Variants in KIF1B observed in about 807,000 individuals in gnomAD.
KIF1B encodes kinesin-like protein KIF1B.
In KIF1B, 76 loss-of-function variants were observed where a neutral mutation model predicts 241.9. That is an observed-to-expected ratio of 0.31 (90% CI 0.26 to 0.38). The LOEUF (loss-of-function observed/expected upper bound fraction) is 0.38. Ranked by LOEUF, KIF1B falls within the 10% of genes least tolerant of loss-of-function variation. KIF1B has a pLI of 1.00. For synonymous variants in KIF1B, 750 were observed against 796.7 expected, an observed-to-expected ratio of 0.94 and a Z score of 0.99; for missense variants, 1,622 against 2,271.4, an observed-to-expected ratio of 0.71 and a Z score of 5.81.
intron 38 of KIF1B, among the ~76,000 whole-genome samples, chr1:10,357,900 T>C (rs763391189): frequency 1.2e-4 from 18 of 150,964 alleles, no homozygotes; most frequent in Non-Finnish European, 2.4e-4. Context: ...TCCCAGCTAC[T>C]TGGGAGGCTG....
At position 10,342,073 on chromosome 1, in the gene KIF1B, A is replaced by T; in HGVS notation, c.3537A>T (p.Ser1179=). 1 of 1,611,258 alleles carries T rather than the reference A, an allele frequency of 6.2e-7. No individual in the cohort carries two copies. Among genetic ancestry groups the T allele is most frequent in the East Asian group, 2.2e-5 (1 of 44,858 alleles). Reference sequence around the variant, plus strand: ...AGATTGCAGTGGAGATCACTGAATCATTTGTGGATTACATCAAAACCAAGC... The same window carrying T: ...AGATTGCAGTGGAGATCACTGAATCTTTTGTGGATTACATCAAAACCAAGC... The part of the protein sequence containing the change: ...VQNIAVEITE[S]FVDYIKTKPI... Residue 1179 remains serine, a synonymous_variant, in exon 33 of 49, where the codon TCA becomes TCT. Transcript: ENST00000676179.
At chr1:10,315,116 T>C (rs1651243153) in intron 22 of KIF1B, among the ~76,000 whole-genome samples, 4 of 150,768 alleles carry the variant, frequency 2.7e-5, no homozygotes, top group South Asian at 2.1e-4. Flanking sequence ...ATTATAGATA[T>C]CATGGCAGTT....
chr1:10,304,977 ATAAAT>A, intron 22 of KIF1B: 3 of 1,145,050 alleles, frequency 2.6e-6, no homozygotes, highest in Non-Finnish European at 3.2e-6. Context: ...TATAATGCCT[ATAAAT>A]TAATCTGACA....
At chr1:10,348,778 GA>G (rs777754943) in intron 37 of KIF1B, 45 bp downstream of exon 37, 3 of 1,456,722 alleles carry the variant, frequency 2.1e-6, no homozygotes, top group Non-Finnish European at 2.9e-6. Flanking sequence ...GACTTACAGA[GA>G]TTTTTTTTTT....
chr1:10,280,460 T>C (rs1327584689), intron 14 of KIF1B, among the ~76,000 whole-genome samples: 1 of 152,102 alleles, frequency 6.6e-6, no homozygotes, highest in African/African-American at 2.4e-5. Flanking sequence ...GGTCTCAATC[T>C]CTTGACCTCG....
chr1:10,319,896 G>C, intron 22 of KIF1B, 147 bp from the exon 23 acceptor site: 2 of 637,212 alleles, frequency 3.1e-6, no homozygotes, highest in Non-Finnish European at 5.7e-6. Flanking sequence ...ACATTTCCCT[G>C]TATGTCTTTT....
Position 10,347,746 on chromosome 1 carries a change from G to T in KIF1B, c.3798-15G>T, listed in dbSNP as rs766283700. The T allele has an allele frequency of 6.2e-7, 1 of 1,611,068 alleles. No homozygotes were observed. The highest frequency in any genetic ancestry group is 8.5e-7 in the Non-Finnish European group (1 of 1,177,674). ...AGTAGCACTTAGTTTTTTCTTTTGC[G>T]TTTCTATTTTTTAGGTATATCCCAG... On this transcript the variant is annotated splice_polypyrimidine_tract_variant and intron_variant, in intron 35 of 48. Coordinates refer to ENST00000676179, the MANE Select transcript of KIF1B (RefSeq NM_001365951.3).
At chr1:10,356,438 G>T (rs577394589) in intron 38 of KIF1B, among the ~76,000 whole-genome samples, 5 of 152,030 alleles carry the variant, frequency 3.3e-5, no homozygotes, top group African/African-American at 1.2e-4. Flanking sequence ...CCTCAATTTG[G>T]ACCCCATTCA....
Position 10,326,376 on chromosome 1 carries a change from T to G in KIF1B, c.2924+17T>G, listed in dbSNP as rs371705623. The G allele has an allele frequency of 3.7e-6, 6 of 1,613,902 alleles. No homozygotes were observed. The African/African-American group carries it at 6.7e-5, about 18-fold the overall frequency. On this transcript the variant is annotated intron_variant, in intron 27 of 48. Transcript: ENST00000676179. The surrounding 1 kb of genome is among the most constrained non-coding windows in gnomAD (Gnocchi z 5.2). ...AGTGGGAAGGTTGGTGAGGTTATTG[T>G]GAGAAAGGCGAAAAGGGACCAGCTC... is the stretch of plus-strand genomic sequence containing the variant.
intron 44 of KIF1B, among the ~76,000 whole-genome samples, chr1:10,369,723 G>A (rs1002768469): frequency 2.6e-5 from 4 of 152,060 alleles, no homozygotes; most frequent in Admixed American, 1.3e-4. Flanking sequence ...ACCTGAGGTC[G>A]GGAGTTTGCG....
Position 10,232,275 on chromosome 1 carries a change from A to G in KIF1B, c.-54A>G. Reference sequence around the variant, plus strand: ...GAAACTTGGCTGTAACTTCAAAAGAAGATTTGATTCTTTATTTCTGGACTG... The same window carrying G: ...GAAACTTGGCTGTAACTTCAAAAGAGGATTTGATTCTTTATTTCTGGACTG... On this transcript the variant is annotated 5_prime_UTR_variant, in exon 2 of 49. Transcript: ENST00000676179. 3 of 1,363,936 alleles carry G rather than the reference A, an allele frequency of 2.2e-6. 1 individual carries two copies. The highest frequency in any genetic ancestry group is 2.1e-6 in the Non-Finnish European group (2 of 967,162). The allele number at this position is 1,363,936 out of a possible 1,614,324, so 84.5% of individuals were successfully genotyped here.
At chr1:10,255,780 A>G (rs534550096) in intron 2 of KIF1B, among the ~76,000 whole-genome samples, 1 of 152,126 alleles carries the variant, frequency 6.6e-6, no homozygotes, top group African/African-American at 2.4e-5. Flanking sequence ...TTACCTCTTA[A>G]AACTATGATT....
chr1:10,259,053 A>G (rs1323326192), intron 4 of KIF1B, among the ~76,000 whole-genome samples: 1 of 150,650 alleles, frequency 6.6e-6, no homozygotes, highest in African/African-American at 2.4e-5. Flanking sequence ...GAATGTGATT[A>G]TTTTTGGTTT....
At chr1:10,313,212 C>T (rs185859138) in intron 22 of KIF1B, among the ~76,000 whole-genome samples, 147 of 151,350 alleles carry the variant, frequency 9.7e-4, no homozygotes, top group Admixed American at 2.3e-3. Flanking sequence ...ACTACAGGCA[C>T]ACGCCACCAC....
At position 10,268,209 on chromosome 1, in the gene KIF1B, G is replaced by A. The variant is rs1648578056; in HGVS notation, c.666G>A (p.Thr222=). The A allele has an allele frequency of 2.5e-6, 4 of 1,613,902 alleles. No individual in the cohort carries two copies. The highest frequency in any genetic ancestry group is 1.3e-5 in the African/African-American group (1 of 74,910). ...ETSSRSHAVF[T]IVFTQKKHDN... ...GTAGCCGTTCCCACGCTGTGTTTAC[G>A]ATTGTTTTCACCCAGAAGAAACACG... The change falls in exon 7 of 49, where the codon ACG becomes ACA. Residue 222 remains threonine (T), a synonymous_variant. Coordinates refer to ENST00000676179, the MANE Select transcript of KIF1B (RefSeq NM_001365951.3).
At chr1:10,240,664 A>G (rs947699067) in intron 2 of KIF1B, among the ~76,000 whole-genome samples, 1 of 151,948 alleles carries the variant, frequency 6.6e-6, no homozygotes, top group African/African-American at 2.4e-5. Context: ...ACTTTCAATA[A>G]CATGAAAAAT....
intron 1 of KIF1B, among the ~76,000 whole-genome samples, chr1:10,214,332 C>G (rs1423649449): frequency 6.6e-6 from 1 of 151,942 alleles, no homozygotes; most frequent in Non-Finnish European, 1.5e-5. Flanking sequence ...CCCTGTCACC[C>G]AGGCTGGAGT....
intron 2 of KIF1B, among the ~76,000 whole-genome samples, chr1:10,246,392 T>C (rs1285300807): frequency 2.6e-5 from 4 of 152,206 alleles, no homozygotes; most frequent in Admixed American, 2.0e-4. Context: ...AGTACTGCAA[T>C]AGCCTCCTGT....
intron 10 of KIF1B, 150 bp from the exon 11 acceptor site, chr1:10,275,278 G>C: frequency 1.6e-6 from 1 of 628,958 alleles, no homozygotes; most frequent in Non-Finnish European, 2.8e-6. Flanking sequence ...TTTTGGTTTT[G>C]TGAAGAATTG....
Sources: allele counts gnomAD v4.1 joint callset (sites outside exome capture counted in the v4.1 genomes callset), GRCh38; gene constraint gnomAD v4.1.1; non-coding constraint Gnocchi (gnomAD v3.1); transcripts MANE v1.5; gene names NCBI Gene and HGNC (gene_info 2026-07-23, HGNC 2026-07-21).